XIRP2: variants seen among roughly 807,000 people sequenced by gnomAD.
The protein encoded by XIRP2 is xin actin binding repeat containing 2, also known as xin actin-binding repeat-containing protein 2.
In XIRP2, 236 loss-of-function variants were observed where a neutral mutation model predicts 277.0. The ratio of observed to expected loss-of-function variants is 0.85; its 90% CI spans 0.77 to 0.95. The LOEUF (loss-of-function observed/expected upper bound fraction) is 0.95. XIRP2 is among the 40% of genes least tolerant of loss of function. The pLI, the probability that XIRP2 is intolerant of heterozygous loss-of-function variation, is 0.00. For synonymous variants in XIRP2, 1,490 were observed against 1,416.5 expected (o/e 1.05, Z -1.17); for missense variants, 4,640 against 4,157.5 (o/e 1.12, Z -3.19).
At chr2:167,049,769 A>C (rs1023053294) in intron 2 of XIRP2, among the ~76,000 whole-genome samples, 2 of 152,062 alleles carry the variant, frequency 1.3e-5, no homozygotes, top group Non-Finnish European at 2.9e-5. Flanking sequence ...ACTCATTCTA[A>C]AGGAAGAGAG....
chr2:167,188,490 T>G (rs184918853), intron 3 of XIRP2, among the ~76,000 whole-genome samples: 17 of 152,310 alleles, frequency 1.1e-4, no homozygotes, highest in African/African-American at 4.1e-4. Context: ...TAAAATTTTA[T>G]GTACAGTGCA....
At chr2:167,039,020 A>G (rs1399289155) in intron 2 of XIRP2, among the ~76,000 whole-genome samples, 1 of 152,170 alleles carries the variant, frequency 6.6e-6, no homozygotes, top group African/African-American at 2.4e-5. Context: ...CAGCATAAGA[A>G]TGTTAATTCT....
chr2:167,201,247 A>AGAGAGAGAGGGAG lies in XIRP2; in HGVS notation c.563-9488_563-9487insGAGAGAGAGGGAG, dbSNP rs1559018345. Among the ~76,000 whole-genome samples, 80 of 129,692 alleles carry AGAGAGAGAGGGAG rather than the reference A, an allele frequency of 6.2e-4. 3 individuals are homozygous for AGAGAGAGAGGGAG. Among genetic ancestry groups the AGAGAGAGAGGGAG allele is most frequent in the African/African-American group, 2.5e-3 (77 of 30,464 alleles). The allele number at this position is 129,692 out of a possible 152,430, so 85.1% of individuals were successfully genotyped here. ...GAAAGAAAGAAAGAAAGAAAGAAAGAAAGAAAGAAAGAAAGAGAGAGGGAG... is the reference window on the plus strand; with the variant it reads ...GAAAGAAAGAAAGAAAGAAAGAAAGAGAGAGAGAGGGAGAAGAAAGAAAGAAAGAGAGAGGGAG... On this transcript the variant is annotated intron_variant, in intron 3 of 10. Coordinates refer to ENST00000409195, the MANE Select transcript of XIRP2 (RefSeq NM_152381.6).
intron 2 of XIRP2, among the ~76,000 whole-genome samples, chr2:167,072,954 C>T (rs1489954445): frequency 3.3e-5 from 5 of 151,996 alleles, no homozygotes; most frequent in Admixed American, 2.6e-4. Context: ...TCCAGTTTAT[C>T]CTACTGATTA....
chr2:167,060,116 A>G (rs895414310), intron 2 of XIRP2, among the ~76,000 whole-genome samples: 8 of 152,338 alleles, frequency 5.3e-5, no homozygotes, highest in Admixed American at 1.3e-4. Context: ...CCAGAACTTT[A>G]GAAAATATAC....
intron 3 of XIRP2, among the ~76,000 whole-genome samples, chr2:167,169,600 C>T (rs73021990): frequency 0.099 from 15,041 of 152,218 alleles, 797 homozygotes; most frequent in South Asian, 0.15. Context: ...TTTGACTTCT[C>T]AAGACTGAGT....
intron 5 of XIRP2, among the ~76,000 whole-genome samples, chr2:167,219,205 G>A (rs1559026474): frequency 6.6e-6 from 1 of 152,006 alleles, no homozygotes; most frequent in Non-Finnish European, 1.5e-5. Context: ...TTCTGGCTCT[G>A]GCTGCAAAGT....
At chr2:167,028,466 T>A (rs1346739849) in intron 2 of XIRP2, among the ~76,000 whole-genome samples, 2 of 152,026 alleles carry the variant, frequency 1.3e-5, no homozygotes, top group Non-Finnish European at 2.9e-5. Context: ...CAAGGCAATA[T>A]CTCTATGATT....
chr2:166,952,977 T>C (rs1378693673), intron 2 of XIRP2, among the ~76,000 whole-genome samples: 1 of 152,048 alleles, frequency 6.6e-6, no homozygotes, highest in Non-Finnish European at 1.5e-5. Flanking sequence ...AGGCATTTCA[T>C]ATACAAAATT....
intron 4 of XIRP2, among the ~76,000 whole-genome samples, chr2:167,215,910 TG>T (rs1694235360): frequency 6.6e-6 from 1 of 152,160 alleles, no homozygotes; most frequent in Non-Finnish European, 1.5e-5. Context: ...CTTTTCAAAT[TG>T]CTTCCAATGA....
At chr2:167,049,144 TG>T in intron 2 of XIRP2, among the ~76,000 whole-genome samples, 1 of 151,776 alleles carries the variant, frequency 6.6e-6, no homozygotes, top group East Asian at 1.9e-4. Flanking sequence ...TTTTCTTCTC[TG>T]CTTCTGGCTT....
chr2:166,966,334 AC>A (rs1298004596), intron 2 of XIRP2, among the ~76,000 whole-genome samples: 2 of 151,876 alleles, frequency 1.3e-5, no homozygotes, highest in Non-Finnish European at 2.9e-5. Context: ...TGTTCATATA[AC>A]TTATAAATAC....
At chr2:167,177,013 A>G in intron 3 of XIRP2, among the ~76,000 whole-genome samples, 1 of 152,222 alleles carries the variant, frequency 6.6e-6, no homozygotes, top group East Asian at 1.9e-4. Context: ...TCCTTCCACC[A>G]GTAGATCTCA....
At chr2:166,937,919 T>C (rs1051141315) in intron 2 of XIRP2, among the ~76,000 whole-genome samples, 8 of 152,346 alleles carry the variant, frequency 5.3e-5, no homozygotes, top group Admixed American at 3.9e-4. Flanking sequence ...GTATTTTGTA[T>C]TTCTGTGGGA....
chr2:167,083,165 T>C (rs538286216), intron 2 of XIRP2, among the ~76,000 whole-genome samples: 1,868 of 152,318 alleles, frequency 0.012, 38 homozygotes, highest in African/African-American at 0.043. Flanking sequence ...TACATATGGC[T>C]AGCCAGTTTT....
intron 3 of XIRP2, among the ~76,000 whole-genome samples, chr2:167,196,810 G>T (rs982894956): frequency 6.6e-6 from 1 of 152,106 alleles, no homozygotes; most frequent in East Asian, 1.9e-4. Flanking sequence ...GTCCTCCAAA[G>T]AAAAATGTGG....
chr2:167,149,203 T>C (rs1002084271), intron 3 of XIRP2, among the ~76,000 whole-genome samples: 1 of 152,190 alleles, frequency 6.6e-6, no homozygotes, highest in African/African-American at 2.4e-5. Context: ...AATTCACATA[T>C]TTGTGAGATC....
chr2:167,036,782 C>T (rs1427647978), intron 2 of XIRP2, among the ~76,000 whole-genome samples: 1 of 152,062 alleles, frequency 6.6e-6, no homozygotes, highest in Non-Finnish European at 1.5e-5. Flanking sequence ...TTTTATCTCC[C>T]AGAATTCCTG....
intron 2 of XIRP2, among the ~76,000 whole-genome samples, chr2:166,938,797 T>C (rs1380902698): frequency 2.2e-4 from 34 of 152,332 alleles, no homozygotes; most frequent in Non-Finnish European, 1.3e-4. Context: ...GGTGCATATA[T>C]ATTTAGGATA....
Sources: allele counts gnomAD v4.1 joint callset (sites outside exome capture counted in the v4.1 genomes callset), GRCh38; gene constraint gnomAD v4.1.1; transcripts MANE v1.5; gene names NCBI Gene and HGNC (gene_info 2026-07-23, HGNC 2026-07-21).